The following ZNF385D variants were observed in gnomAD, a reference collection of about 807,000 sequenced individuals.
The protein encoded by ZNF385D is zinc finger protein 659.
In ZNF385D, 15 loss-of-function variants were observed where a neutral mutation model predicts 35.8. That is an observed-to-expected ratio of 0.42 (90% CI 0.28 to 0.64). The LOEUF (loss-of-function observed/expected upper bound fraction) is 0.64. Among genes scored for constraint, ZNF385D ranks in the 30% least tolerant of loss-of-function variants. The pLI, the probability that ZNF385D is intolerant of heterozygous loss-of-function variation, is 0.23. For synonymous variants in ZNF385D, 212 were observed against 186.8 expected (o/e 1.13, Z -1.10); for missense variants, 474 against 494.6 (o/e 0.96, Z 0.39).
chr3:22,234,743 T>C (rs1327022927), intron 2 of ZNF385D, among the ~76,000 whole-genome samples: 1 of 152,070 alleles, frequency 6.6e-6, no homozygotes, highest in East Asian at 1.9e-4. Context: ...TGTTTCCTTT[T>C]TTCAGACTTT....
chr3:21,487,292 T>TG (rs1434701023), intron 4 of ZNF385D, among the ~76,000 whole-genome samples: 6 of 112,460 alleles, frequency 5.3e-5, no homozygotes, highest in Non-Finnish European at 1.0e-4. Context: ...TACATTGTAG[T>TG]GGGTTTTTTT....
intron 2 of ZNF385D, among the ~76,000 whole-genome samples, chr3:21,640,297 TAAAGA>T (rs1414395082): frequency 6.6e-6 from 1 of 152,026 alleles, no homozygotes; most frequent in African/African-American, 2.4e-5. Context: ...TGATAGTGAC[TAAAGA>T]AAAGTGTGAA....
At chr3:21,758,191 C>G (rs931807139) in intron 3 of ZNF385D, among the ~76,000 whole-genome samples, 1 of 152,176 alleles carries the variant, frequency 6.6e-6, no homozygotes, top group African/African-American at 2.4e-5. Context: ...TTTCCGTGAT[C>G]TGTTAAGTTG....
chr3:21,915,172 T>C (rs1013207793), intron 3 of ZNF385D, among the ~76,000 whole-genome samples: 8 of 152,222 alleles, frequency 5.3e-5, no homozygotes, highest in African/African-American at 1.7e-4. Context: ...GGTGCGTTAC[T>C]TGACGGTACT....
At chr3:21,733,329 A>G (rs573412325) in intron 1 of ZNF385D, among the ~76,000 whole-genome samples, 113 of 152,234 alleles carry the variant, frequency 7.4e-4, no homozygotes, top group South Asian at 1.7e-3. Flanking sequence ...CAGTCCTTCA[A>G]CTTTGTCCTC....
At chr3:21,839,976 CT>C (rs1484991046) in intron 3 of ZNF385D, among the ~76,000 whole-genome samples, 1 of 152,028 alleles carries the variant, frequency 6.6e-6, no homozygotes, top group African/African-American at 2.4e-5. Context: ...TTGTTTGATG[CT>C]TGTGCCTATA....
intron 4 of ZNF385D, among the ~76,000 whole-genome samples, chr3:21,480,059 T>C (rs984135918): frequency 6.6e-6 from 1 of 151,604 alleles, no homozygotes; most frequent in African/African-American, 2.4e-5. Context: ...TGGCATATAA[T>C]AAACACGGTG....
At position 21,887,895 on chromosome 3, in the gene ZNF385D, G is replaced by T. The variant is rs145279217; in HGVS notation, c.326-222867C>A. 4.5e-3 allele frequency among the ~76,000 whole-genome samples: 688 copies of T among 152,200 alleles called. 6 individuals are homozygous for T. The highest frequency in any genetic ancestry group is 0.015 in the African/African-American group (622 of 41,550). Reference sequence around the variant, plus strand: ...GTTAAAATACTGTTGTTTCTGAATTGTAACAGAAGGTTTTTAAATGGGTTA... The same window carrying T: ...GTTAAAATACTGTTGTTTCTGAATTTTAACAGAAGGTTTTTAAATGGGTTA... On this transcript the variant is annotated intron_variant, in intron 3 of 5. Coordinates refer to the ZNF385D transcript ENST00000494108.
At chr3:21,722,023 C>A (rs2068561649) in intron 1 of ZNF385D, among the ~76,000 whole-genome samples, 1 of 150,456 alleles carries the variant, frequency 6.6e-6, no homozygotes, top group Non-Finnish European at 1.5e-5. Flanking sequence ...TCACTTGAAC[C>A]CGGGAGGCGG....
chr3:22,082,561 G>C (rs557150334), intron 3 of ZNF385D, among the ~76,000 whole-genome samples: 1 of 152,108 alleles, frequency 6.6e-6, no homozygotes. Context: ...GCTCTAACTG[G>C]ATAGAGCCCA....
intron 3 of ZNF385D, among the ~76,000 whole-genome samples, chr3:22,155,280 C>T (rs1487265764): frequency 6.6e-6 from 1 of 152,016 alleles, no homozygotes; most frequent in African/African-American, 2.4e-5. Flanking sequence ...CAGAATCAGT[C>T]ATATGGGATG....
chr3:22,198,673 C>A (rs764532769), intron 2 of ZNF385D, among the ~76,000 whole-genome samples: 3 of 151,994 alleles, frequency 2.0e-5, no homozygotes, highest in Non-Finnish European at 4.4e-5. Flanking sequence ...CAAATGACTA[C>A]ATATTTGTAA....
intron 2 of ZNF385D, among the ~76,000 whole-genome samples, chr3:22,270,610 C>A (rs1035185614): frequency 6.6e-6 from 1 of 151,842 alleles, no homozygotes; most frequent in East Asian, 1.9e-4. Flanking sequence ...CATTCTGTTG[C>A]TATGTTGTAA....
chr3:22,296,286 C>T (rs1395274826), intron 2 of ZNF385D, among the ~76,000 whole-genome samples: 1 of 152,152 alleles, frequency 6.6e-6, no homozygotes, highest in African/African-American at 2.4e-5. Context: ...CTTGCCATTG[C>T]TCTGTGTGGC....
At chr3:22,116,234 C>A (rs1171166054) in intron 3 of ZNF385D, among the ~76,000 whole-genome samples, 1 of 152,002 alleles carries the variant, frequency 6.6e-6, no homozygotes. Context: ...TCTCCTGAAT[C>A]TATTTTATAT....
chr3:21,997,223 T>C (rs1695520838), intron 3 of ZNF385D, among the ~76,000 whole-genome samples: 1 of 152,076 alleles, frequency 6.6e-6, no homozygotes. Flanking sequence ...CTGGAAACCA[T>C]CATTCTGAGC....
chr3:22,202,987 A>T (rs1177985877), intron 2 of ZNF385D, among the ~76,000 whole-genome samples: 3 of 152,066 alleles, frequency 2.0e-5, no homozygotes, highest in Non-Finnish European at 2.9e-5. Flanking sequence ...ACTCCTAGGC[A>T]AATCCTAGTG....
chr3:21,978,928 A>C (rs546032125), intron 3 of ZNF385D, among the ~76,000 whole-genome samples: 1 of 152,262 alleles, frequency 6.6e-6, no homozygotes, highest in African/African-American at 2.4e-5. Context: ...AAAAAACAAA[A>C]CATATTTTCT....
At chr3:21,499,250 T>A (rs981381335) in intron 4 of ZNF385D, among the ~76,000 whole-genome samples, 1 of 152,090 alleles carries the variant, frequency 6.6e-6, no homozygotes, top group African/African-American at 2.4e-5. Context: ...AATGGTAGAC[T>A]GGATAAGGAA....
Sources: allele counts gnomAD v4.1 joint callset (sites outside exome capture counted in the v4.1 genomes callset), GRCh38; gene constraint gnomAD v4.1.1; transcripts MANE v1.5; gene names NCBI Gene and HGNC (gene_info 2026-07-23, HGNC 2026-07-21).